Variants in NKTR observed in about 807,000 individuals in gnomAD.
The protein encoded by NKTR is natural killer cell triggering receptor, also known as NK-tumor recognition protein.
NKTR carries 67 observed loss-of-function variants against 156.3 expected under a neutral mutation model. That is an observed-to-expected ratio of 0.43 (90% CI 0.35 to 0.53). NKTR has a LOEUF of 0.53. NKTR is among the 20% of genes least tolerant of loss of function. The pLI, the probability that NKTR is intolerant of heterozygous loss-of-function variation, is 0.01. For synonymous variants in NKTR, 640 were observed against 596.6 expected (o/e 1.07, Z -1.06); for missense variants, 1,604 against 1,730.9 (o/e 0.93, Z 1.30).
Position 42,648,060 on chromosome 3 carries a change from C to T in NKTR, c.*2085C>T, listed in dbSNP as rs573182881. 2 of 152,350 alleles carry T rather than the reference C, an allele frequency of 1.3e-5. No individual in the cohort carries two copies. Among genetic ancestry groups the T allele is most frequent in the South Asian group, 2.1e-4 (1 of 4,832 alleles). 9.4% of individuals were successfully genotyped at this position (152,350 alleles called of 1,614,324 possible). On this transcript the variant is annotated 3_prime_UTR_variant, in exon 17 of 17. Coordinates refer to ENST00000232978, the MANE Select transcript of NKTR (RefSeq NM_005385.4). ...TCAGCTGGAGGCCCCTCTCTCACCT[C>T]AAGGCTGCCTGCATTCCTTCTTATG... is the stretch of plus-strand genomic sequence containing the variant.
chr3:42,627,311 G>GA (rs536244571), intron 6 of NKTR: 65,362 of 627,488 alleles, frequency 0.1, 1 homozygote, highest in Non-Finnish European at 0.12. Context: ...AACATTTTAA[G>GA]AAAAAAAAAA....
In NKTR at chr3:42,646,032, A is replaced by G; in HGVS notation, c.*57A>G. 1 of 1,239,966 alleles carries G rather than the reference A, an allele frequency of 8.1e-7. No homozygotes were observed. Among genetic ancestry groups the G allele is most frequent in the Non-Finnish European group, 1.2e-6 (1 of 851,220 alleles). 76.8% of individuals were successfully genotyped at this position (1,239,966 alleles called of 1,614,324 possible). ...TAAATATCTGGCAACTTAGCTTAAG[A>G]AATGTAATGACAGTCTGTTGTTCTA... On this transcript the variant is annotated 3_prime_UTR_variant, in exon 17 of 17. Transcript: ENST00000232978.
In NKTR at chr3:42,628,830, C is replaced by T. The variant is rs535396599; in HGVS notation, c.375-1716C>T. The T allele has an allele frequency of 2.0e-4, 65 of 323,438 alleles. 1 individual carries two copies. Among genetic ancestry groups the T allele is most frequent in the Non-Finnish European group, 2.8e-4 (63 of 225,196 alleles). The allele number at this position is 323,438 out of a possible 1,614,324, so 20.0% of individuals were successfully genotyped here. On this transcript the variant is annotated intron_variant, in intron 6 of 16. Coordinates refer to ENST00000232978, the MANE Select transcript of NKTR (RefSeq NM_005385.4). Reference sequence around the variant, plus strand: ...CAGCTTGGCCAACATGGTGAAACCCCGTCTCTACTAAAATTACAGAAATTA... The same window carrying T: ...CAGCTTGGCCAACATGGTGAAACCCTGTCTCTACTAAAATTACAGAAATTA...
Position 42,639,174 on chromosome 3 carries a change from A to C in NKTR, c.3470A>C (p.Asp1157Ala). The C allele has an allele frequency of 6.2e-7, 1 of 1,614,174 alleles. No individual in the cohort carries two copies. The highest frequency in any genetic ancestry group is 8.5e-7 in the Non-Finnish European group (1 of 1,180,018). The change falls in exon 13 of 17, where the codon GAT (aspartate) becomes GCT (alanine). Residue 1157 changes from aspartate (D) to alanine (A), a missense_variant. This residue lies in a region of NKTR where 1,255 missense variants were observed against 1,243.7 expected (regional missense o/e 1.01). Coordinates refer to ENST00000232978, the MANE Select transcript of NKTR (RefSeq NM_005385.4). ...GGAAATGCACGGCTTGATACCCCAG[A>C]TATAAACATTGTTTTGAAGCAGGAT... ...PLGNARLDTP[D>A]INIVLKQDMA...
chr3:42,643,578 G>A, intron 15 of NKTR, 183 bp downstream of exon 15: 1 of 631,724 alleles, frequency 1.6e-6, no homozygotes, highest in South Asian at 2.0e-5. Context: ...GTACTCCAGT[G>A]TCAAAAATGA....
Position 42,648,260 on chromosome 3 carries a change from G to A in NKTR, c.*2285G>A, listed in dbSNP as rs985425397. On this transcript the variant is annotated 3_prime_UTR_variant, in exon 17 of 17. Coordinates refer to ENST00000232978, the MANE Select transcript of NKTR (RefSeq NM_005385.4). ...CTGTCTCATCTCATCATATTCACGGGTTCTGGAGATTAGCTCATTGAAAGT... is the reference window on the plus strand; with the variant it reads ...CTGTCTCATCTCATCATATTCACGGATTCTGGAGATTAGCTCATTGAAAGT... 1.3e-5 allele frequency: 2 copies of A among 152,164 alleles called. No individual in the cohort carries two copies. Among genetic ancestry groups the A allele is most frequent in the Non-Finnish European group, 2.9e-5 (2 of 68,038 alleles). 9.4% of individuals were successfully genotyped at this position (152,164 alleles called of 1,614,324 possible). A position where few individuals can be genotyped will look rare whatever the true frequency, so the allele number is the denominator to read the frequency against.
chr3:42,634,499 A>G (rs1367603877), intron 10 of NKTR, 114 bp from the exon 11 acceptor site: 4 of 543,786 alleles, frequency 7.4e-6, no homozygotes, highest in South Asian at 3.0e-5. Flanking sequence ...TTAAAAAGCT[A>G]TTGCAAAATG....
Position 42,639,901 on chromosome 3 carries a change from A to G in NKTR, c.4046+151A>G, listed in dbSNP as rs1709735619. 6 of 671,806 alleles carry G rather than the reference A, an allele frequency of 8.9e-6. No homozygotes were observed. In the Admixed American group the frequency reaches 1.9e-4, roughly 21 times the overall value. 41.6% of individuals were successfully genotyped at this position (671,806 alleles called of 1,614,324 possible). ...TTGTGTGATTCAGAGAGTAGATTGA[A>G]AACTTAGGGAGAGGGAATTTCAGGA... is the stretch of plus-strand genomic sequence containing the variant. On this transcript the variant is annotated intron_variant, in intron 13 of 16. Coordinates refer to ENST00000232978, the MANE Select transcript of NKTR (RefSeq NM_005385.4).
intron 2 of NKTR, among the ~76,000 whole-genome samples, chr3:42,615,329 T>C (rs1458867372): frequency 3.3e-5 from 5 of 152,248 alleles, no homozygotes; most frequent in South Asian, 2.1e-4. Context: ...TCTGCCTGCC[T>C]TGGCCTCCCA....
At chr3:42,641,748 C>T (rs754104244) in intron 13 of NKTR, among the ~76,000 whole-genome samples, 13 of 151,778 alleles carry the variant, frequency 8.6e-5, no homozygotes, top group Admixed American at 3.9e-4. Context: ...CGTGGTAGTG[C>T]GTGTCTGTAA....
At chr3:42,631,354 A>C in intron 8 of NKTR, 38 bp downstream of exon 8, 1 of 1,605,544 alleles carries the variant, frequency 6.2e-7, no homozygotes. Context: ...GCTAAGATGC[A>C]GGTAAAGCAT....
intron 16 of NKTR, among the ~76,000 whole-genome samples, chr3:42,645,187 A>G (rs900977879): frequency 4.2e-5 from 6 of 144,266 alleles, no homozygotes; most frequent in African/African-American, 1.6e-4. Context: ...CCTTTTCCCC[A>G]TTACTTTTCT....
In NKTR at chr3:42,637,598, C is replaced by T. The variant is rs1160508540; in HGVS notation, c.1894C>T (p.Arg632Ter). 2 of 1,609,512 alleles carry T rather than the reference C, an allele frequency of 1.2e-6. No individual in the cohort carries two copies. Among genetic ancestry groups the T allele is most frequent in the Non-Finnish European group, 1.7e-6 (2 of 1,178,812 alleles). The change falls in exon 13 of 17, where the codon CGA becomes TGA. Residue 632 changes from arginine to a stop codon, truncating the protein, a stop_gained. Coordinates refer to ENST00000232978, the MANE Select transcript of NKTR (RefSeq NM_005385.4). LOFTEE classifies it high-confidence loss of function. ...GQKPWKPSYERIQEMKAKTTH... is the reference protein window; with the variant it reads ...GQKPWKPSYE The stretch of plus-strand genomic sequence containing the variant: ...GAAACCTTGGAAGCCCTCTTATGAG[C>T]GAATTCAGGAAATGAAAGCTAAAAC...
intron 2 of NKTR, chr3:42,603,042 AAAAG>A (rs1003736351): frequency 5.4e-5 from 8 of 148,334 alleles, no homozygotes; most frequent in African/African-American, 1.0e-4. Context: ...AAAAAAAAAG[AAAAG>A]AAAAGAAAAA....
Position 42,633,673 on chromosome 3 carries a change from A to G in NKTR, c.867A>G (p.Pro289=). 6.2e-7 allele frequency: 1 copy of G among 1,614,144 alleles called. No individual in the cohort carries two copies. The highest frequency in any genetic ancestry group is 8.5e-7 in the Non-Finnish European group (1 of 1,179,976). The change falls in exon 10 of 17, where the codon CCA becomes CCG. Residue 289 remains proline, a synonymous_variant. Coordinates refer to ENST00000232978, the MANE Select transcript of NKTR (RefSeq NM_005385.4). ...KPVVRPEEIP[P]VPENRFLLRR... is the part of the protein sequence containing the mutation. The stretch of plus-strand genomic sequence containing the variant: ...TGGTCCGCCCAGAAGAGATTCCTCC[A>G]GTGCCTGAGAACCGATTTTTACTGA...
At chr3:42,617,810 T>C (rs1707520505) in intron 3 of NKTR, among the ~76,000 whole-genome samples, 166 bp downstream of exon 3, 1 of 151,634 alleles carries the variant, frequency 6.6e-6, no homozygotes, top group East Asian at 1.9e-4. Flanking sequence ...CAGGGAAGCA[T>C]TTCTTAAGGG....
chr3:42,648,585 TC>T lies in NKTR; in HGVS notation c.*2612del, dbSNP rs1156312799. On this transcript the variant is annotated 3_prime_UTR_variant, in exon 17 of 17. Transcript: ENST00000232978. ...GCATTATTGGACTGTTTTTGTAACATCCTGTTTATTGCAAATAGCTAGTATC... is the reference window on the plus strand; with the variant it reads ...GCATTATTGGACTGTTTTTGTAACATCTGTTTATTGCAAATAGCTAGTATC... The T allele has an allele frequency of 6.5e-6, 1 of 152,698 alleles. No individual in the cohort carries two copies. The highest frequency in any genetic ancestry group is 2.4e-5 in the African/African-American group (1 of 41,468). 9.5% of individuals were successfully genotyped at this position (152,698 alleles called of 1,614,324 possible). A position where few individuals can be genotyped will look rare whatever the true frequency, so the allele number is the denominator to read the frequency against.
chr3:42,642,634 CAT>C, intron 14 of NKTR, 38 bp downstream of exon 14: 1 of 1,461,704 alleles, frequency 6.8e-7, no homozygotes, highest in South Asian at 1.1e-5. Flanking sequence ...TGGTCTCCAT[CAT>C]GTCCACTTTT....
intron 12 of NKTR, among the ~76,000 whole-genome samples, chr3:42,635,836 A>C (rs1378768254): frequency 1.3e-5 from 2 of 151,706 alleles, no homozygotes; most frequent in Admixed American, 1.3e-4. Context: ...TGAACCCGGG[A>C]GGTGGAGCTT....
Sources: gnomAD v4.1 joint callset for allele counts (sites outside exome capture counted in the v4.1 genomes callset) on GRCh38, gnomAD v4.1.1 for gene constraint, gnomAD v4.1.1 regional missense constraint, MANE v1.5 for transcripts, NCBI Gene and HGNC (gene_info 2026-07-23, HGNC 2026-07-21) for gene names.